The following DLG2 variants were observed in gnomAD, a reference collection of about 807,000 sequenced individuals.
The protein encoded by DLG2 is discs large MAGUK scaffold protein 2.
In DLG2, 45 loss-of-function variants were observed where a neutral mutation model predicts 132.5. The observed-to-expected ratio is 0.34, with a 90% confidence interval of 0.27 to 0.44. DLG2 has a LOEUF of 0.44. Ranked by LOEUF, DLG2 falls within the 20% of genes least tolerant of loss-of-function variation. The pLI, the probability that DLG2 is intolerant of heterozygous loss-of-function variation, is 1.00. For missense variants in DLG2, 1,045 were observed against 1,196.9 expected (o/e 0.87, Z 1.87); for synonymous variants, 424 against 419.6 (o/e 1.01, Z -0.13).
intron 7 of DLG2, among the ~76,000 whole-genome samples, chr11:84,455,895 C>T (rs1033303720): frequency 6.6e-6 from 1 of 151,148 alleles, no homozygotes; most frequent in East Asian, 2.0e-4. Flanking sequence ...TGTTTCCTGT[C>T]GGCACAGCTC....
intron 7 of DLG2, among the ~76,000 whole-genome samples, chr11:84,321,687 G>T (rs1399619): frequency 1.3e-5 from 2 of 151,908 alleles, no homozygotes; most frequent in Admixed American, 1.3e-4. Context: ...CAAAGCCACC[G>T]TAAATAAACA....
At chr11:83,690,767 G>A (rs2080851827) in intron 18 of DLG2, among the ~76,000 whole-genome samples, 1 of 151,922 alleles carries the variant, frequency 6.6e-6, no homozygotes, top group South Asian at 2.1e-4. Context: ...AGCCAAGAAT[G>A]TTTTTCACAT....
chr11:84,496,256 T>A (rs1382042064), intron 7 of DLG2, among the ~76,000 whole-genome samples: 1 of 152,208 alleles, frequency 6.6e-6, no homozygotes. Flanking sequence ...AAACCTGCTT[T>A]GAATGAGGTT....
At chr11:84,286,400 T>C (rs1599089123) in intron 7 of DLG2, among the ~76,000 whole-genome samples, 1 of 152,198 alleles carries the variant, frequency 6.6e-6, no homozygotes. Context: ...GCTTTCATCA[T>C]ACACTTAGCT....
At chr11:84,778,646 G>A (rs1280660865) in intron 6 of DLG2, among the ~76,000 whole-genome samples, 1 of 152,020 alleles carries the variant, frequency 6.6e-6, no homozygotes, top group Non-Finnish European at 1.5e-5. Context: ...TTTCCTTGTA[G>A]ACATCTTTCA....
At chr11:83,653,338 A>G (rs983265632) in intron 18 of DLG2, among the ~76,000 whole-genome samples, 1 of 152,240 alleles carries the variant, frequency 6.6e-6, no homozygotes, top group African/African-American at 2.4e-5. Context: ...ACAATTCACA[A>G]ATAGACCGTC....
intron 3 of DLG2, among the ~76,000 whole-genome samples, chr11:85,548,266 G>A (rs1300586509): frequency 6.6e-6 from 1 of 152,176 alleles, no homozygotes; most frequent in Non-Finnish European, 1.5e-5. Flanking sequence ...GTCTGCTGGA[G>A]TTTCCTGAAG....
intron 17 of DLG2, among the ~76,000 whole-genome samples, chr11:83,832,888 A>G (rs1370466218): frequency 6.6e-6 from 1 of 152,182 alleles, no homozygotes; most frequent in African/African-American, 2.4e-5. Flanking sequence ...TATCTTATGC[A>G]TTTTTTTGTT....
At chr11:85,127,903 C>A (rs2075312425) in intron 5 of DLG2, among the ~76,000 whole-genome samples, 1 of 152,094 alleles carries the variant, frequency 6.6e-6, no homozygotes, top group South Asian at 2.1e-4. Flanking sequence ...ATTATATTCA[C>A]CAGCTGTGAT....
chr11:85,497,036 A>G (rs1372331076), intron 3 of DLG2, among the ~76,000 whole-genome samples: 1 of 152,030 alleles, frequency 6.6e-6, no homozygotes, highest in African/African-American at 2.4e-5. Context: ...AAAGGAAAAC[A>G]ACTCCTCGCC....
intron 10 of DLG2, among the ~76,000 whole-genome samples, chr11:84,068,483 A>G (rs1163885811): frequency 6.6e-6 from 1 of 152,118 alleles, no homozygotes; most frequent in Non-Finnish European, 1.5e-5. Flanking sequence ...TGGCCCAGTT[A>G]TTTGCTCCAG....
chr11:85,612,019 A>G (rs944302002), intron 2 of DLG2, among the ~76,000 whole-genome samples: 3 of 152,260 alleles, frequency 2.0e-5, no homozygotes, highest in African/African-American at 7.2e-5. Context: ...TGAAAGTCAA[A>G]GAGAGAAGGA....
chr11:84,167,419 T>C (rs958142490), intron 8 of DLG2, among the ~76,000 whole-genome samples: 2 of 151,672 alleles, frequency 1.3e-5, no homozygotes, highest in Non-Finnish European at 2.9e-5. Flanking sequence ...AGCTTTTAGT[T>C]AATTTTATGG....
At chr11:84,441,967 A>G (rs538876687) in intron 7 of DLG2, among the ~76,000 whole-genome samples, 29 of 152,116 alleles carry the variant, frequency 1.9e-4, no homozygotes, top group African/African-American at 7.0e-4. Flanking sequence ...GTTCTGTCCC[A>G]TTGGTCTATA....
intron 3 of DLG2, among the ~76,000 whole-genome samples, chr11:85,460,068 A>G (rs953989149): frequency 2.0e-5 from 3 of 152,188 alleles, no homozygotes; most frequent in African/African-American, 7.2e-5. Context: ...GGAAGTGCAG[A>G]GCTGCTACCA....
chr11:85,429,053 A>G (rs2090983508), intron 3 of DLG2, among the ~76,000 whole-genome samples: 1 of 152,222 alleles, frequency 6.6e-6, no homozygotes, highest in South Asian at 2.1e-4. Flanking sequence ...TCCTCAACAC[A>G]TACACCCTCC....
At chr11:84,438,458 CT>C (rs1254761206) in intron 7 of DLG2, among the ~76,000 whole-genome samples, 3 of 150,182 alleles carry the variant, frequency 2.0e-5, no homozygotes, top group African/African-American at 7.5e-5. Context: ...GCAAACTACT[CT>C]TTTTAAAAAA....
intron 7 of DLG2, among the ~76,000 whole-genome samples, chr11:84,322,306 G>A (rs1034013570): frequency 2.0e-5 from 3 of 152,212 alleles, no homozygotes; most frequent in Non-Finnish European, 4.4e-5. Context: ...TGGCATAAGT[G>A]TATGAACTCA....
chr11:85,015,257 T>C (rs560577059), intron 6 of DLG2, among the ~76,000 whole-genome samples: 5 of 152,156 alleles, frequency 3.3e-5, no homozygotes, highest in Non-Finnish European at 7.4e-5. Flanking sequence ...TTTGCTATGT[T>C]TTAGGTTAAG....
Sources: gnomAD v4.1 joint callset for allele counts (sites outside exome capture counted in the v4.1 genomes callset) on GRCh38, gnomAD v4.1.1 for gene constraint, MANE v1.5 for transcripts, NCBI Gene and HGNC (gene_info 2026-07-23, HGNC 2026-07-21) for gene names.